PRICKLE2: variants seen among roughly 807,000 people sequenced by gnomAD.
PRICKLE2 encodes prickle planar cell polarity protein 2, also known as prickle-like protein 2.
A neutral mutation model predicts 81.4 loss-of-function variants in PRICKLE2; 21 were observed. That is an observed-to-expected ratio of 0.26 (90% CI 0.18 to 0.37). PRICKLE2 has a LOEUF of 0.37. Among genes scored for constraint, PRICKLE2 ranks in the 10% least tolerant of loss-of-function variants. The probability of loss-of-function intolerance (pLI) is 1.00; values close to 1 mark genes in which losing one functional copy is unlikely to be tolerated. For missense variants in PRICKLE2, 940 were observed against 1,109.0 expected, an observed-to-expected ratio of 0.85 and a Z score of 2.16; for synonymous variants, 456 against 421.5, an observed-to-expected ratio of 1.08 and a Z score of -1.00.
chr3:64,113,230 G>A (rs563181643), intron 7 of PRICKLE2, among the ~76,000 whole-genome samples: 1 of 152,320 alleles, frequency 6.6e-6, no homozygotes, highest in South Asian at 2.1e-4. Context: ...CTGCAGTGCA[G>A]CACGGGCAGG....
At chr3:64,184,550 T>G (rs970132034) in intron 2 of PRICKLE2, among the ~76,000 whole-genome samples, 2 of 152,190 alleles carry the variant, frequency 1.3e-5, no homozygotes, top group African/African-American at 4.8e-5. Context: ...TATAGCTCAC[T>G]GCAGCCTTGA....
intron 5 of PRICKLE2, chr3:64,154,652 C>A (rs144837395): frequency 1.3e-5 from 2 of 152,218 alleles, no homozygotes; most frequent in African/African-American, 4.8e-5. Flanking sequence ...TTGAACTAGG[C>A]AATGGTTTCT....
intron 2 of PRICKLE2, among the ~76,000 whole-genome samples, chr3:64,177,125 C>CTTTTTTTTTT (rs10690677): frequency 7.1e-5 from 5 of 70,838 alleles, no homozygotes; most frequent in Admixed American, 2.7e-4. Context: ...CCATTTTAAC[C>CTTTTTTTTTT]TTTTTTTTTT....
Position 64,130,260 on chromosome 3 carries a change from T to C in PRICKLE2, c.1660+16570A>G, listed in dbSNP as rs570309518. Among the ~76,000 whole-genome samples the C allele has an allele frequency of 1.5e-4, 17 of 114,320 alleles. No individual in the cohort carries two copies. The South Asian group carries it at 3.6e-3, about 24-fold the overall frequency. 75.0% of individuals were successfully genotyped at this position (114,320 alleles called of 152,430 possible). On this transcript the variant is annotated intron_variant, in intron 7 of 7. Transcript: ENST00000638394. ...TCCACATCTCTGTTGATGCTAATTATGGCAAATACTTTTGAGTGTTTACTG... is the reference window on the plus strand; with the variant it reads ...TCCACATCTCTGTTGATGCTAATTACGGCAAATACTTTTGAGTGTTTACTG...
chr3:64,186,692 G>T (rs560360248), intron 2 of PRICKLE2, among the ~76,000 whole-genome samples: 4 of 152,266 alleles, frequency 2.6e-5, no homozygotes, highest in Admixed American at 1.3e-4. Context: ...ACTGTTGAAC[G>T]AATAAATGGC....
At chr3:64,202,440 G>C (rs1324955702) in intron 1 of PRICKLE2, among the ~76,000 whole-genome samples, 2 of 152,002 alleles carry the variant, frequency 1.3e-5, no homozygotes, top group Non-Finnish European at 2.9e-5. Flanking sequence ...ATTATATTTT[G>C]TGGTTTTTAG....
At chr3:64,113,917 T>C (rs560768413) in intron 7 of PRICKLE2, among the ~76,000 whole-genome samples, 2 of 152,304 alleles carry the variant, frequency 1.3e-5, no homozygotes, top group Admixed American at 6.5e-5. Context: ...CCAGCTATGC[T>C]GCCTCTGTCA....
intron 7 of PRICKLE2, among the ~76,000 whole-genome samples, chr3:64,121,598 G>A (rs1321744087): frequency 6.7e-6 from 1 of 149,934 alleles, no homozygotes; most frequent in East Asian, 1.9e-4. Flanking sequence ...GTATTCTTTT[G>A]TTAGTCACAA....
chr3:64,110,885 C>T (rs2076833942), intron 7 of PRICKLE2, among the ~76,000 whole-genome samples: 1 of 142,020 alleles, frequency 7.0e-6, no homozygotes, highest in Non-Finnish European at 1.5e-5. Context: ...TGGCGTGAAT[C>T]CAGGAGGCGG....
intron 1 of PRICKLE2, among the ~76,000 whole-genome samples, chr3:64,209,460 A>C (rs1268372455): frequency 3.3e-5 from 5 of 151,962 alleles, no homozygotes; most frequent in Admixed American, 1.3e-4. Flanking sequence ...CCATCTACCC[A>C]TCCATTCATA....
intron 7 of PRICKLE2, among the ~76,000 whole-genome samples, chr3:64,138,353 C>T (rs189641086): frequency 9.2e-5 from 14 of 152,274 alleles, no homozygotes; most frequent in South Asian, 4.1e-4. Context: ...TGTTGGATGA[C>T]CAAAGTCAGG....
At chr3:64,130,560 T>C (rs1427822357) in intron 7 of PRICKLE2, among the ~76,000 whole-genome samples, 1 of 152,192 alleles carries the variant, frequency 6.6e-6, no homozygotes, top group Non-Finnish European at 1.5e-5. Context: ...ATGAGCTCTC[T>C]ATCTCTTAGG....
At position 64,147,117 on chromosome 3, in the gene PRICKLE2, G is replaced by C; in HGVS notation, c.1373C>G (p.Thr458Arg). The change falls in exon 7 of 8, where the codon ACA becomes AGA. Residue 458 changes from threonine to arginine, a missense_variant. Physicochemically the swap from Thr to Arg is moderately conservative, Grantham distance 71 (BLOSUM62 -1). Around this residue, in one of 2 missense-constraint regions of PRICKLE2, gnomAD observed 670 missense variants for 717.2 expected, o/e 0.93. Transcript: ENST00000638394. This position sits in a 1 kb window ranked among gnomAD's most constrained non-coding sequence, Gnocchi z 5.0. ...CTTGATGAAGCTGCCAGCATGTCCTGTCATGGCCAGTGACGAGCTCCTTTT... is the reference window on the plus strand; with the variant it reads ...CTTGATGAAGCTGCCAGCATGTCCTCTCATGGCCAGTGACGAGCTCCTTTT... ...NPKRSSSLAMTGHAGSFIKEC... is the reference protein window; with the variant it reads ...NPKRSSSLAMRGHAGSFIKEC... The C allele has an allele frequency of 6.2e-7, 1 of 1,614,184 alleles. No individual in the cohort carries two copies. The highest frequency in any genetic ancestry group is 8.5e-7 in the Non-Finnish European group (1 of 1,180,042).
chr3:64,265,085 T>C (rs1171118035), intron 2 of PRICKLE2, among the ~76,000 whole-genome samples: 1 of 152,080 alleles, frequency 6.6e-6, no homozygotes, highest in Non-Finnish European at 1.5e-5. Context: ...TTTGCAAAAA[T>C]GAGCCTTCCT....
chr3:64,178,975 CTTT>C (rs2107076337), intron 2 of PRICKLE2, among the ~76,000 whole-genome samples: 1 of 84,554 alleles, frequency 1.2e-5, no homozygotes, highest in African/African-American at 5.0e-5. Context: ...TTCTTTCTTT[CTTT>C]CTTTCTTTCT....
At chr3:64,118,733 T>C (rs897354422) in intron 7 of PRICKLE2, among the ~76,000 whole-genome samples, 1 of 151,862 alleles carries the variant, frequency 6.6e-6, no homozygotes. Flanking sequence ...AAAAAAAATA[T>C]GGATTATGGT....
At chr3:64,220,760 G>A (rs1342470942) in intron 1 of PRICKLE2, among the ~76,000 whole-genome samples, 3 of 152,040 alleles carry the variant, frequency 2.0e-5, no homozygotes, top group Non-Finnish European at 4.4e-5. Flanking sequence ...TGTGCCCCCT[G>A]GAGTGTTAGG....
chr3:64,251,065 T>C (rs925097130), intron 2 of PRICKLE2, among the ~76,000 whole-genome samples: 3 of 152,216 alleles, frequency 2.0e-5, no homozygotes, highest in African/African-American at 7.2e-5. Context: ...TTTGTCTCTA[T>C]TGTGCACATG....
chr3:64,145,015 G>GA (rs896087545), intron 7 of PRICKLE2, among the ~76,000 whole-genome samples: 36 of 151,076 alleles, frequency 2.4e-4, no homozygotes, highest in Non-Finnish European at 4.9e-4. Flanking sequence ...CTATCACAGA[G>GA]AAAATCTACG....
Sources: allele counts gnomAD v4.1 joint callset (sites outside exome capture counted in the v4.1 genomes callset), GRCh38; gene constraint gnomAD v4.1.1; regional missense constraint gnomAD v4.1.1; non-coding constraint Gnocchi (gnomAD v3.1); transcripts MANE v1.5; gene names NCBI Gene and HGNC (gene_info 2026-07-23, HGNC 2026-07-21).